MYCT1: variants seen among roughly 807,000 people sequenced by gnomAD.
MYCT1 encodes MYC target 1, also known as myc target protein 1.
In MYCT1, 12 loss-of-function variants were observed where a neutral mutation model predicts 15.0. That is an observed-to-expected ratio of 0.80 (90% CI 0.51 to 1.29). MYCT1 has a LOEUF of 1.29. Among genes scored for constraint, MYCT1 ranks in the 50% most tolerant of loss-of-function variants. The pLI, the probability that MYCT1 is intolerant of heterozygous loss-of-function variation, is 0.00. For missense variants in MYCT1, 287 were observed against 279.1 expected (o/e 1.03, Z -0.20); for synonymous variants, 104 against 102.7 (o/e 1.01, Z -0.07).
chr6:152,744,885 C>T, the MYCT1 span, among the ~76,000 whole-genome samples: 8 of 152,138 alleles, frequency 5.3e-5, no homozygotes, highest in Middle Eastern at 3.4e-3. Context: ...AAGAGTAAGC[C>T]GAAACTCAGG....
chr6:152,736,510 G>A, the MYCT1 span, among the ~76,000 whole-genome samples: 6 of 152,204 alleles, frequency 3.9e-5, no homozygotes, highest in African/African-American at 1.4e-4. Context: ...AGACCCCAAA[G>A]GGAATCGATA....
downstream of MYCT1, among the ~76,000 whole-genome samples, chr6:152,728,979 T>G (rs975660089): frequency 6.6e-6 from 1 of 152,168 alleles, no homozygotes; most frequent in Non-Finnish European, 1.5e-5. Context: ...ATTTTGATGA[T>G]TGACAAGGAT....
At chr6:152,720,375 A>G (rs1321106556) in intron 1 of MYCT1, among the ~76,000 whole-genome samples, 1 of 152,088 alleles carries the variant, frequency 6.6e-6, no homozygotes, top group Non-Finnish European at 1.5e-5. Context: ...GGGTGGGGAA[A>G]TAGACTCTAT....
intron 1 of MYCT1, among the ~76,000 whole-genome samples, chr6:152,698,636 A>G (rs2129067460): frequency 6.6e-6 from 1 of 152,350 alleles, no homozygotes; most frequent in East Asian, 1.9e-4. Context: ...TTAAAGTGCA[A>G]TAACACAGGT....
At chr6:152,715,763 A>G (rs962243749) in intron 1 of MYCT1, among the ~76,000 whole-genome samples, 8 of 152,150 alleles carry the variant, frequency 5.3e-5, no homozygotes, top group Non-Finnish European at 2.9e-5. Context: ...AAATAATTTT[A>G]GGAATAGATT....
At chr6:152,736,872 AG>A in the MYCT1 span, among the ~76,000 whole-genome samples, 1 of 152,154 alleles carries the variant, frequency 6.6e-6, no homozygotes. Context: ...ATGCTGATTT[AG>A]TGCTAATTGG....
chr6:152,726,272 C>T (rs576882787), downstream of MYCT1, among the ~76,000 whole-genome samples: 1 of 152,164 alleles, frequency 6.6e-6, no homozygotes, highest in South Asian at 2.1e-4. Flanking sequence ...TGGCACATGC[C>T]TGTAATCCCA....
the MYCT1 span, among the ~76,000 whole-genome samples, chr6:152,744,577 G>A: frequency 2.4e-4 from 36 of 152,316 alleles, no homozygotes; most frequent in Middle Eastern, 3.4e-3. Flanking sequence ...CCCCTCTAGG[G>A]CTGCAGGAGA....
At chr6:152,741,349 G>T in the MYCT1 span, among the ~76,000 whole-genome samples, 6 of 152,184 alleles carry the variant, frequency 3.9e-5, no homozygotes, top group East Asian at 1.2e-3. Flanking sequence ...CAGCAAAAAG[G>T]AGGAGATTCA....
intron 1 of MYCT1, among the ~76,000 whole-genome samples, chr6:152,707,583 C>A (rs2099722513): frequency 6.6e-6 from 1 of 151,660 alleles, no homozygotes; most frequent in African/African-American, 2.4e-5. Flanking sequence ...AGATCAATAT[C>A]AAGCTTTTTC....
At chr6:152,730,413 G>C in the MYCT1 span, among the ~76,000 whole-genome samples, 1 of 152,194 alleles carries the variant, frequency 6.6e-6, no homozygotes, top group Non-Finnish European at 1.5e-5. Flanking sequence ...ACTGGAACAA[G>C]ATACACAGAC....
chr6:152,706,606 C>G (rs1021485158), intron 1 of MYCT1, among the ~76,000 whole-genome samples: 1 of 152,002 alleles, frequency 6.6e-6, no homozygotes, highest in African/African-American at 2.4e-5. Flanking sequence ...AAAAATACTA[C>G]CTTTTATTAT....
chr6:152,743,352 C>T, the MYCT1 span, among the ~76,000 whole-genome samples: 6 of 152,148 alleles, frequency 3.9e-5, no homozygotes, highest in Non-Finnish European at 8.8e-5. Flanking sequence ...AGGCATGAGC[C>T]ACTGCGCCCG....
chr6:152,717,074 T>C (rs541209301), intron 1 of MYCT1, among the ~76,000 whole-genome samples: 2 of 152,146 alleles, frequency 1.3e-5, no homozygotes, highest in South Asian at 2.1e-4. Flanking sequence ...ATTACATATA[T>C]GAAAATTTAA....
At position 152,721,765 on chromosome 6, in the gene MYCT1, G is replaced by C. The variant is rs779371582; in HGVS notation, c.220G>C (p.Val74Leu). 4 of 1,613,874 alleles carry C rather than the reference G, an allele frequency of 2.5e-6. No homozygotes were observed. The highest frequency in any genetic ancestry group is 2.5e-6 in the Non-Finnish European group (3 of 1,179,924). Residue 74 changes from valine to leucine, a missense_variant, in exon 2 of 2, where the codon GTA becomes CTA. Physicochemically the swap from Val to Leu is conservative, Grantham distance 32. Transcript: ENST00000367245. ...FWEDLIMSFT[V>L]SMAIGLVLGG... ...AGAGGACCTTATCATGTCCTTCACTGTATCCATGGCAATCGGGCTGGTACT... is the reference window on the plus strand; with the variant it reads ...AGAGGACCTTATCATGTCCTTCACTCTATCCATGGCAATCGGGCTGGTACT...
the MYCT1 span, among the ~76,000 whole-genome samples, chr6:152,739,762 G>A: frequency 6.6e-6 from 1 of 151,862 alleles, no homozygotes; most frequent in Non-Finnish European, 1.5e-5. Context: ...AATTTCACTT[G>A]AAATTTGAAA....
intron 1 of MYCT1, among the ~76,000 whole-genome samples, chr6:152,718,085 A>G (rs899436546): frequency 6.6e-6 from 1 of 152,178 alleles, no homozygotes; most frequent in Non-Finnish European, 1.5e-5. Context: ...GGTTTACCAT[A>G]TCAAATCAAA....
the MYCT1 span, among the ~76,000 whole-genome samples, chr6:152,740,109 C>T: frequency 2.6e-5 from 4 of 152,154 alleles, no homozygotes; most frequent in Non-Finnish European, 5.9e-5. Context: ...TGCAATGGTG[C>T]AATCTCAGCT....
chr6:152,698,949 A>G (rs1481816731), intron 1 of MYCT1, among the ~76,000 whole-genome samples: 4 of 152,170 alleles, frequency 2.6e-5, no homozygotes, highest in Admixed American at 2.0e-4. Flanking sequence ...GGGAGTTGAC[A>G]TGTACTCTTG....
Sources: allele counts gnomAD v4.1 joint callset (sites outside exome capture counted in the v4.1 genomes callset), GRCh38; gene constraint gnomAD v4.1.1; transcripts MANE v1.5; gene names NCBI Gene and HGNC (gene_info 2026-07-23, HGNC 2026-07-21).